The following LAMA3 variants were observed in gnomAD, a reference collection of about 807,000 sequenced individuals.
The protein encoded by LAMA3 is laminin subunit alpha 3, also known as laminin subunit alpha-3.
Under a neutral mutation model 402.0 loss-of-function variants are expected in LAMA3, and 281 were observed. The ratio of observed to expected loss-of-function variants is 0.70; its 90% CI spans 0.63 to 0.77. LAMA3 has a LOEUF of 0.77. Among genes scored for constraint, LAMA3 ranks in the 30% least tolerant of loss-of-function variants. The probability of loss-of-function intolerance (pLI) is 0.00; values close to 1 mark genes in which losing one functional copy is unlikely to be tolerated. For missense variants in LAMA3, 3,840 were observed against 4,215.5 expected (o/e 0.91, Z 2.47); for synonymous variants, 1,431 against 1,558.4 (o/e 0.92, Z 1.93).
In LAMA3 at chr18:23,901,113, G is replaced by A. The variant is rs2145122924; in HGVS notation, c.6005-14G>A. On this transcript the variant is annotated splice_polypyrimidine_tract_variant and intron_variant, in intron 47 of 74. Transcript: ENST00000313654. Reference sequence around the variant, plus strand: ...TCATCTGTCAAATAGAAAACATGAGGTGATGTATTACAGTGCTGAACCGGA... The same window carrying A: ...TCATCTGTCAAATAGAAAACATGAGATGATGTATTACAGTGCTGAACCGGA... 2 of 1,609,952 alleles carry A rather than the reference G, an allele frequency of 1.2e-6. No homozygotes were observed. Among genetic ancestry groups the A allele is most frequent in the Non-Finnish European group, 1.7e-6 (2 of 1,176,292 alleles).
intron 25 of LAMA3, among the ~76,000 whole-genome samples, chr18:23,837,508 T>G (rs1157813191): frequency 7.1e-6 from 1 of 140,182 alleles, no homozygotes; most frequent in Non-Finnish European, 1.5e-5. Context: ...TTAAAGCTTA[T>G]AATTACCTAG....
At chr18:23,889,956 T>A (rs1259273980) in intron 41 of LAMA3, 55 bp from the exon 42 acceptor site, 2 of 1,291,770 alleles carry the variant, frequency 1.5e-6, no homozygotes, top group Non-Finnish European at 2.3e-6. Context: ...GAAAATTGGT[T>A]GAGATAAACG....
At chr18:23,716,747 C>T (rs559966684) in intron 2 of LAMA3, among the ~76,000 whole-genome samples, 6 of 152,324 alleles carry the variant, frequency 3.9e-5, no homozygotes, top group Non-Finnish European at 5.9e-5. Flanking sequence ...CTCTGCTCTG[C>T]GAGGCTGCTG....
chr18:23,747,189 T>C (rs180739968), intron 2 of LAMA3, among the ~76,000 whole-genome samples: 138 of 152,128 alleles, frequency 9.1e-4, no homozygotes, highest in African/African-American at 2.9e-3. Flanking sequence ...CTTTGGGAAA[T>C]AGGACCTCAG....
intron 25 of LAMA3, among the ~76,000 whole-genome samples, chr18:23,838,156 A>G (rs774479880): frequency 6.6e-6 from 1 of 152,202 alleles, no homozygotes; most frequent in Non-Finnish European, 1.5e-5. Context: ...TCTCAGTGGT[A>G]TTCACCAAAA....
chr18:23,810,586 C>G lies in LAMA3; in HGVS notation c.1741+83C>G. The G allele has an allele frequency of 2.0e-6, 3 of 1,502,598 alleles. No individual in the cohort carries two copies. In the South Asian group the frequency reaches 3.4e-5, roughly 17 times the overall value. The allele number at this position is 1,502,598 out of a possible 1,614,324, so 93.1% of individuals were successfully genotyped here. On this transcript the variant is annotated intron_variant, in intron 13 of 74. Coordinates refer to ENST00000313654, the MANE Select transcript of LAMA3 (RefSeq NM_198129.4). ...GCCTCCCAGAGAAGCCTGCAAATCCCCCACAGACTCACCACTGGCCACCCC... is the reference window on the plus strand; with the variant it reads ...GCCTCCCAGAGAAGCCTGCAAATCCGCCACAGACTCACCACTGGCCACCCC...
intron 6 of LAMA3, among the ~76,000 whole-genome samples, chr18:23,755,610 C>G (rs2061828778): frequency 6.6e-6 from 1 of 152,182 alleles, no homozygotes. Context: ...TTTAACCAAG[C>G]ATGTGTACCA....
At chr18:23,888,501 A>G (rs1486734949) in intron 41 of LAMA3, among the ~76,000 whole-genome samples, 1 of 152,156 alleles carries the variant, frequency 6.6e-6, no homozygotes, top group Non-Finnish European at 1.5e-5. Flanking sequence ...AAACAGCCCA[A>G]AACTCCACAT....
At chr18:23,897,833 T>C (rs1345594026) in intron 44 of LAMA3, among the ~76,000 whole-genome samples, 1 of 152,162 alleles carries the variant, frequency 6.6e-6, no homozygotes, top group Non-Finnish European at 1.5e-5. Context: ...CATATGTACA[T>C]GACATTTTAC....
intron 2 of LAMA3, among the ~76,000 whole-genome samples, chr18:23,729,889 G>A (rs867600220): frequency 4.6e-5 from 7 of 152,166 alleles, no homozygotes; most frequent in African/African-American, 7.2e-5. Context: ...TGACGCTCCC[G>A]TCCTGTCTGT....
At chr18:23,826,562 A>G (rs2063385891) in intron 21 of LAMA3, 140 bp from the exon 22 acceptor site, 8 of 709,860 alleles carry the variant, frequency 1.1e-5, no homozygotes, top group Admixed American at 2.0e-5. Flanking sequence ...CGGGATGAAG[A>G]ACAAAGCAGT....
chr18:23,788,778 C>T (rs546399440), intron 12 of LAMA3, among the ~76,000 whole-genome samples: 1 of 151,602 alleles, frequency 6.6e-6, no homozygotes, highest in Admixed American at 6.6e-5. Flanking sequence ...TGGATTTCAT[C>T]AAAGTTAAAA....
intron 12 of LAMA3, among the ~76,000 whole-genome samples, chr18:23,797,278 A>AT (rs925980375): frequency 2.1e-4 from 31 of 145,820 alleles, no homozygotes; most frequent in Middle Eastern, 3.5e-3. Context: ...AGCTATTGTG[A>AT]TTTTTTTTTT....
intron 13 of LAMA3, 96 bp from the exon 14 acceptor site, chr18:23,812,961 A>T: frequency 1.2e-6 from 1 of 821,798 alleles, no homozygotes. Flanking sequence ...ATGTAGATAC[A>T]CTATTTTTGA....
intron 7 of LAMA3, among the ~76,000 whole-genome samples, chr18:23,760,954 A>G (rs1311106980): frequency 6.6e-6 from 1 of 152,008 alleles, no homozygotes; most frequent in Non-Finnish European, 1.5e-5. Flanking sequence ...CAGAGGGCCC[A>G]TCTCCTAATA....
chr18:23,789,743 A>G (rs2062614497), intron 12 of LAMA3, among the ~76,000 whole-genome samples: 1 of 152,218 alleles, frequency 6.6e-6, no homozygotes, highest in Non-Finnish European at 1.5e-5. Context: ...GATTGTTCCA[A>G]AAGTTGCACA....
intron 74 of LAMA3, 77 bp from the exon 75 acceptor site, chr18:23,954,425 AC>A: frequency 1.7e-6 from 2 of 1,147,156 alleles, no homozygotes; most frequent in Non-Finnish European, 2.5e-6. Context: ...AAAAAAAAAT[AC>A]TATCTTTTAA....
At chr18:23,849,682 A>G (rs1337661726) in intron 32 of LAMA3, among the ~76,000 whole-genome samples, 4 of 152,224 alleles carry the variant, frequency 2.6e-5, no homozygotes, top group Admixed American at 2.0e-4. Flanking sequence ...GTCACTGCCA[A>G]TGATAATTTA....
intron 1 of LAMA3, among the ~76,000 whole-genome samples, chr18:23,713,490 T>G (rs939772987): frequency 2.6e-5 from 4 of 152,210 alleles, no homozygotes; most frequent in African/African-American, 9.6e-5. Flanking sequence ...GATGCACCAC[T>G]GGGACTGTGG....
Sources: allele counts gnomAD v4.1 joint callset (sites outside exome capture counted in the v4.1 genomes callset), GRCh38; gene constraint gnomAD v4.1.1; transcripts MANE v1.5; gene names NCBI Gene and HGNC (gene_info 2026-07-23, HGNC 2026-07-21).